Variants in DAAM1 observed in about 807,000 individuals in gnomAD.
DAAM1 encodes disheveled-associated activator of morphogenesis 1.
A neutral mutation model predicts 130.0 loss-of-function variants in DAAM1; 52 were observed. The observed-to-expected ratio is 0.40, with a 90% CI of 0.32 to 0.50. The LOEUF is 0.50. DAAM1 is among the 20% of genes least tolerant of loss of function. The probability of loss-of-function intolerance (pLI) is 0.61; values close to 1 mark genes in which losing one functional copy is unlikely to be tolerated. For missense variants in DAAM1, 1,134 were observed against 1,303.8 expected (o/e 0.87, Z 2.01); for synonymous variants, 452 against 444.5 (o/e 1.02, Z -0.21).
chr14:59,344,408 T>C (rs905275600), intron 16 of DAAM1, among the ~76,000 whole-genome samples: 2 of 152,080 alleles, frequency 1.3e-5, no homozygotes, highest in African/African-American at 4.8e-5. Flanking sequence ...AAAGTTGGAG[T>C]AGATATCTCA....
chr14:59,218,994 G>C (rs1888680077), intron 1 of DAAM1, among the ~76,000 whole-genome samples: 1 of 152,194 alleles, frequency 6.6e-6, no homozygotes, highest in Admixed American at 6.5e-5. Context: ...GCTCTAGGAA[G>C]TTTCAGGTAA....
intron 1 of DAAM1, among the ~76,000 whole-genome samples, chr14:59,223,584 G>A (rs545980721): frequency 4.5e-4 from 68 of 152,298 alleles, no homozygotes; most frequent in African/African-American, 1.4e-3. Context: ...AGAGCAACTT[G>A]CACGGAAGCC....
intron 1 of DAAM1, among the ~76,000 whole-genome samples, chr14:59,234,818 G>T (rs1192342602): frequency 1.3e-5 from 2 of 152,076 alleles, no homozygotes; most frequent in East Asian, 3.9e-4. Context: ...TAGTTTATGA[G>T]AGTTTTTAGC....
At chr14:59,358,199 G>A (rs1225635188) in intron 20 of DAAM1, among the ~76,000 whole-genome samples, 1 of 152,138 alleles carries the variant, frequency 6.6e-6, no homozygotes, top group Non-Finnish European at 1.5e-5. Flanking sequence ...GAATCTCTGG[G>A]GTTAGCCCAG....
intron 2 of DAAM1, among the ~76,000 whole-genome samples, chr14:59,283,501 T>C (rs1594798725): frequency 6.6e-6 from 1 of 152,152 alleles, no homozygotes; most frequent in South Asian, 2.1e-4. Context: ...GGTTAGGGAG[T>C]AATACTGTAT....
At chr14:59,353,566 G>A (rs1287937819) in intron 18 of DAAM1, among the ~76,000 whole-genome samples, 1 of 152,182 alleles carries the variant, frequency 6.6e-6, no homozygotes, top group African/African-American at 2.4e-5. Flanking sequence ...TCTGAGGGAG[G>A]AGAGATGCGC....
At chr14:59,359,946 CA>C (rs149106202) in intron 21 of DAAM1, among the ~76,000 whole-genome samples, 9,300 of 152,316 alleles carry the variant, frequency 0.061, 368 homozygotes, top group Non-Finnish European at 0.09. Flanking sequence ...ACTTTTACCA[CA>C]AACTTCACAC....
chr14:59,282,020 T>A (rs565947972), intron 2 of DAAM1, among the ~76,000 whole-genome samples: 1 of 152,172 alleles, frequency 6.6e-6, no homozygotes, highest in African/African-American at 2.4e-5. Context: ...AAGTTCACAG[T>A]GGCTTTCAAG....
chr14:59,303,235 T>C (rs935030064), intron 3 of DAAM1, among the ~76,000 whole-genome samples: 1 of 152,198 alleles, frequency 6.6e-6, no homozygotes, highest in African/African-American at 2.4e-5. Flanking sequence ...GAAAATGGAC[T>C]CCTATAGTGT....
chr14:59,328,196 G>A (rs1885282387), intron 12 of DAAM1, among the ~76,000 whole-genome samples: 1 of 152,146 alleles, frequency 6.6e-6, no homozygotes, highest in African/African-American at 2.4e-5. Flanking sequence ...GGCCATAACT[G>A]ATATCAGAAA....
chr14:59,332,448 G>A (rs1215288192), intron 15 of DAAM1, among the ~76,000 whole-genome samples: 1 of 152,182 alleles, frequency 6.6e-6, no homozygotes, highest in East Asian at 1.9e-4. Context: ...ACAGAAGTGG[G>A]GTTGTAAAGA....
At chr14:59,220,600 A>T (rs1278096632) in intron 1 of DAAM1, among the ~76,000 whole-genome samples, 3 of 152,188 alleles carry the variant, frequency 2.0e-5, no homozygotes, top group African/African-American at 7.2e-5. Flanking sequence ...GAGTCCCGCC[A>T]TCTGCCATCT....
Position 59,280,778 on chromosome 14 carries a change from G to T in DAAM1, c.184-10439G>T, listed in dbSNP as rs78355675. 4.5e-3 allele frequency among the ~76,000 whole-genome samples: 679 copies of T among 152,148 alleles called. 4 individuals are homozygous for T. Among genetic ancestry groups the T allele is most frequent in the African/African-American group, 0.016 (655 of 41,518 alleles). ...GCTGATGCCTTGTAAAAGCTTATAT[G>T]AATAGGATTGCCTCTTAGACATGGT... is the stretch of plus-strand genomic sequence containing the variant. On this transcript the variant is annotated intron_variant, in intron 2 of 24. Coordinates refer to ENST00000360909, the MANE Select transcript of DAAM1 (RefSeq NM_001270520.2).
Position 59,368,873 on chromosome 14 carries a change from C to G in DAAM1, c.*14C>G, listed in dbSNP as rs1566514332. The stretch of plus-strand genomic sequence containing the variant: ...CTTAATTTCTAATTTTCCATGAATA[C>G]TTTTTTTTAGAAAGCTCATTAGCAG... On this transcript the variant is annotated 3_prime_UTR_variant, in exon 25 of 25. Coordinates refer to ENST00000360909, the MANE Select transcript of DAAM1 (RefSeq NM_001270520.2). The G allele has an allele frequency of 6.2e-7, 1 of 1,610,620 alleles. No homozygotes were observed. Among genetic ancestry groups the G allele is most frequent in the Non-Finnish European group, 8.5e-7 (1 of 1,177,910 alleles).
intron 12 of DAAM1, among the ~76,000 whole-genome samples, chr14:59,330,040 C>T (rs577858033): frequency 2.2e-4 from 34 of 152,344 alleles, no homozygotes; most frequent in Middle Eastern, 3.4e-3. Flanking sequence ...TCCAGCCCTT[C>T]GGCTGGTTGG....
At chr14:59,228,915 C>A (rs1208023570) in intron 1 of DAAM1, among the ~76,000 whole-genome samples, 1 of 152,158 alleles carries the variant, frequency 6.6e-6, no homozygotes, top group Non-Finnish European at 1.5e-5. Flanking sequence ...CTGTTTCCGT[C>A]TTTTCCCTGA....
intron 3 of DAAM1, among the ~76,000 whole-genome samples, chr14:59,296,536 A>G (rs893378290): frequency 1.8e-4 from 27 of 152,222 alleles, no homozygotes; most frequent in Admixed American, 1.8e-3. Context: ...AGAATCAAAT[A>G]GTAATCAAAT....
At chr14:59,365,861 A>G (rs1424577902) in intron 23 of DAAM1, among the ~76,000 whole-genome samples, 2 of 152,188 alleles carry the variant, frequency 1.3e-5, no homozygotes, top group African/African-American at 4.8e-5. Flanking sequence ...GTAGCTTAGG[A>G]GTAATAACAT....
intron 1 of DAAM1, among the ~76,000 whole-genome samples, chr14:59,201,488 G>A (rs145579016): frequency 0.013 from 1,965 of 152,168 alleles, 9 homozygotes; most frequent in Non-Finnish European, 0.021. Flanking sequence ...GGTGGCTGTT[G>A]CCTGTAATCC....
Sources: allele counts gnomAD v4.1 joint callset (sites outside exome capture counted in the v4.1 genomes callset), GRCh38; gene constraint gnomAD v4.1.1; transcripts MANE v1.5; gene names NCBI Gene and HGNC (gene_info 2026-07-23, HGNC 2026-07-21).